Variants in DTHD1 observed in about 807,000 individuals in gnomAD.
DTHD1 encodes the protein death domain containing 1.
DTHD1 carries 59 observed loss-of-function variants against 74.8 expected under a neutral mutation model. The observed-to-expected ratio is 0.79, with a 90% confidence interval of 0.64 to 0.98. The LOEUF (loss-of-function observed/expected upper bound fraction) is 0.98. DTHD1 is among the 50% of genes least tolerant of loss of function. The probability of loss-of-function intolerance (pLI) is 0.00; values close to 1 mark genes in which losing one functional copy is unlikely to be tolerated. For missense variants in DTHD1, 1,051 were observed against 1,065.4 expected (o/e 0.99, Z 0.19); for synonymous variants, 365 against 371.1 (o/e 0.98, Z 0.19).
chr4:36,327,971 C>G (rs562519984), intron 8 of DTHD1, among the ~76,000 whole-genome samples: 2 of 152,178 alleles, frequency 1.3e-5, no homozygotes, highest in South Asian at 4.1e-4. Context: ...TATCAATCCC[C>G]CCTCCCCTTG....
rs908244934 is a variant in DTHD1, at chr4:36,281,744, C to T, written c.-15C>T. 2 of 1,235,548 alleles carry T rather than the reference C, an allele frequency of 1.6e-6. No homozygotes were observed. Among genetic ancestry groups the T allele is most frequent in the South Asian group, 4.1e-5 (1 of 24,566 alleles). The allele number at this position is 1,235,548 out of a possible 1,614,324, so 76.5% of individuals were successfully genotyped here. A position where few individuals can be genotyped will look rare whatever the true frequency, so the allele number is the denominator to read the frequency against. ...TTTGCTGGCAGGAGAGAAAATACCA[C>T]TTTTGGATCATAAAATGGATATGGA... On this transcript the variant is annotated 5_prime_UTR_variant, in exon 1 of 10. Transcript: ENST00000639862.
At chr4:36,301,636 G>T (rs916977057) in intron 5 of DTHD1, among the ~76,000 whole-genome samples, 2 of 152,112 alleles carry the variant, frequency 1.3e-5, no homozygotes, top group African/African-American at 4.8e-5. Context: ...AAGTAAAATG[G>T]ATTTGGGTTT....
chr4:36,315,064 G>GATCT (rs1423228658), intron 7 of DTHD1, among the ~76,000 whole-genome samples: 1 of 152,116 alleles, frequency 6.6e-6, no homozygotes, highest in Non-Finnish European at 1.5e-5. Context: ...CTTGAACCTA[G>GATCT]ATCTATACAT....
chr4:36,316,708 G>T (rs753143084), intron 8 of DTHD1, among the ~76,000 whole-genome samples: 56 of 152,164 alleles, frequency 3.7e-4, no homozygotes, highest in Non-Finnish European at 6.8e-4. Flanking sequence ...CTTCAGATTG[G>T]TCTGGTCCCC....
intron 5 of DTHD1, among the ~76,000 whole-genome samples, chr4:36,300,910 T>C (rs1756732190): frequency 6.6e-6 from 1 of 152,240 alleles, no homozygotes; most frequent in Non-Finnish European, 1.5e-5. Context: ...CTTAGAAGTA[T>C]TTTTAATTCA....
intron 8 of DTHD1, among the ~76,000 whole-genome samples, chr4:36,338,612 T>C (rs1759140374): frequency 6.6e-6 from 1 of 151,652 alleles, no homozygotes; most frequent in Admixed American, 6.6e-5. Flanking sequence ...CTGCAGACTG[T>C]GTAGAAAGCT....
At chr4:36,318,898 G>A (rs1293027128) in intron 8 of DTHD1, among the ~76,000 whole-genome samples, 1 of 152,174 alleles carries the variant, frequency 6.6e-6, no homozygotes, top group African/African-American at 2.4e-5. Flanking sequence ...ACAGGCGTGA[G>A]CCACTATGCC....
intron 7 of DTHD1, among the ~76,000 whole-genome samples, chr4:36,312,052 T>C (rs539757631): frequency 6.6e-6 from 1 of 152,296 alleles, no homozygotes; most frequent in South Asian, 2.1e-4. Context: ...TTGGTTTTTA[T>C]GACGGTTTTT....
chr4:36,333,758 G>C (rs906487805), intron 8 of DTHD1: 3 of 152,522 alleles, frequency 2.0e-5, no homozygotes, highest in African/African-American at 7.2e-5. Flanking sequence ...ATGGGGAGAA[G>C]CTGCCGTGCC....
chr4:36,330,157 A>G (rs1174952178), intron 8 of DTHD1, among the ~76,000 whole-genome samples: 1 of 152,178 alleles, frequency 6.6e-6, no homozygotes, highest in Non-Finnish European at 1.5e-5. Flanking sequence ...ACAAGAGATT[A>G]CTTTGCTTAA....
At chr4:36,328,510 G>A (rs1219305754) in intron 8 of DTHD1, among the ~76,000 whole-genome samples, 2 of 152,178 alleles carry the variant, frequency 1.3e-5, no homozygotes, top group Non-Finnish European at 1.5e-5. Flanking sequence ...GGGCATGCAC[G>A]TAAGCACGCG....
At chr4:36,304,446 CAT>C (rs1756936412) in intron 5 of DTHD1, among the ~76,000 whole-genome samples, 1 of 152,150 alleles carries the variant, frequency 6.6e-6, no homozygotes, top group Non-Finnish European at 1.5e-5. Context: ...TCAGAGTAGA[CAT>C]ATTAAATCAA....
chr4:36,284,729 A>G, intron 2 of DTHD1, 138 bp downstream of exon 2: 1 of 746,524 alleles, frequency 1.3e-6, no homozygotes, highest in Middle Eastern at 4.0e-4. Flanking sequence ...ACAGATATTT[A>G]TCTCTCACAG....
At chr4:36,309,702 A>G (rs1033596004) in intron 7 of DTHD1, among the ~76,000 whole-genome samples, 12 of 152,170 alleles carry the variant, frequency 7.9e-5, no homozygotes, top group African/African-American at 2.7e-4. Context: ...ATATCAACCC[A>G]ACTAAACACT....
At chr4:36,330,798 G>T (rs907966548) in intron 8 of DTHD1, among the ~76,000 whole-genome samples, 9 of 152,064 alleles carry the variant, frequency 5.9e-5, no homozygotes, top group African/African-American at 1.9e-4. Context: ...TATTTGATTT[G>T]TGATTATGTT....
Position 36,281,949 on chromosome 4 carries a change from A to G in DTHD1, c.191A>G (p.His64Arg). The change falls in exon 1 of 10, where the codon CAC becomes CGC. Residue 64 changes from histidine (H) to arginine (R), a missense_variant. By Grantham distance (29) the His-to-Arg change is conservative. Coordinates refer to ENST00000639862, the MANE Select transcript of DTHD1 (RefSeq NM_001170700.3). ...LSSALHQLLE[H>R]TSGTLRSTCQ... ...AGTGCCCTTCACCAGCTGCTGGAGC[A>G]CACCTCAGGCACCCTGCGTTCCACC... is the stretch of plus-strand genomic sequence containing the variant. 1 of 1,393,694 alleles carries G rather than the reference A, an allele frequency of 7.2e-7. No homozygotes were observed. The highest frequency in any genetic ancestry group is 1.8e-5 in the South Asian group (1 of 55,172). 86.3% of individuals were successfully genotyped at this position (1,393,694 alleles called of 1,614,324 possible).
At chr4:36,297,842 G>A (rs1012014931) in intron 5 of DTHD1, among the ~76,000 whole-genome samples, 2 of 152,092 alleles carry the variant, frequency 1.3e-5, no homozygotes, top group Admixed American at 1.3e-4. Flanking sequence ...TGAAGAAAGA[G>A]AATTCTTGCT....
At chr4:36,291,805 G>T (rs994413143) in intron 3 of DTHD1, among the ~76,000 whole-genome samples, 8 of 152,186 alleles carry the variant, frequency 5.3e-5, no homozygotes, top group African/African-American at 1.9e-4. Context: ...TCCAGCCTGG[G>T]CAATAAGAGT....
chr4:36,329,128 C>A (rs1444860153), intron 8 of DTHD1, among the ~76,000 whole-genome samples: 1 of 152,194 alleles, frequency 6.6e-6, no homozygotes, highest in Admixed American at 6.5e-5. Flanking sequence ...TTACGTCCAC[C>A]ACTTTTACCA....
Sources: gnomAD v4.1 joint callset for allele counts (sites outside exome capture counted in the v4.1 genomes callset) on GRCh38, gnomAD v4.1.1 for gene constraint, MANE v1.5 for transcripts, NCBI Gene and HGNC (gene_info 2026-07-23, HGNC 2026-07-21) for gene names.